The following STAB2 variants were observed in gnomAD, a reference collection of about 807,000 sequenced individuals.
STAB2 encodes stabilin-2.
A neutral mutation model predicts 338.1 loss-of-function variants in STAB2; 288 were observed. The observed-to-expected ratio is 0.85, with a 90% CI of 0.77 to 0.94. The LOEUF is 0.94. STAB2 is among the 40% of genes least tolerant of loss of function. The pLI is 0.00. For missense variants in STAB2, 3,141 were observed against 3,210.1 expected (o/e 0.98, Z 0.52); for synonymous variants, 1,202 against 1,193.3 (o/e 1.01, Z -0.15).
chr12:103,604,412 C>G (rs533225320), intron 3 of STAB2, among the ~76,000 whole-genome samples: 1 of 151,992 alleles, frequency 6.6e-6, no homozygotes, highest in African/African-American at 2.4e-5. Flanking sequence ...CTTCGATTAC[C>G]TGGAAGAGTT....
chr12:103,614,366 G>T (rs1215670254), intron 3 of STAB2, among the ~76,000 whole-genome samples: 1 of 152,170 alleles, frequency 6.6e-6, no homozygotes, highest in Non-Finnish European at 1.5e-5. Flanking sequence ...TAAGTTTACA[G>T]AATTTTCTTT....
intron 25 of STAB2, among the ~76,000 whole-genome samples, chr12:103,679,312 G>T (rs1320521819): frequency 6.6e-6 from 1 of 151,912 alleles, no homozygotes; most frequent in Non-Finnish European, 1.5e-5. Context: ...AGGTTGCGGT[G>T]AACTGAGATC....
chr12:103,592,691 C>A (rs1210361240), intron 2 of STAB2, among the ~76,000 whole-genome samples: 6 of 152,136 alleles, frequency 3.9e-5, no homozygotes, highest in Non-Finnish European at 7.4e-5. Flanking sequence ...TTTTCTCCCC[C>A]CTCTTTTTTG....
At chr12:103,693,154 A>T (rs1878102914) in intron 31 of STAB2, among the ~76,000 whole-genome samples, 1 of 152,226 alleles carries the variant, frequency 6.6e-6, no homozygotes, top group Non-Finnish European at 1.5e-5. Context: ...TTATGGAAAC[A>T]TCTCAAAAGA....
At position 103,688,191 on chromosome 12, in the gene STAB2, A is replaced by G. The variant is rs1405902115; in HGVS notation, c.3021A>G (p.Ala1007=). ...AGGAATTGTCATTTCTCTCCGAAGCAGCTATATTTAACCGATGGATAAATG... is the reference window on the plus strand; with the variant it reads ...AGGAATTGTCATTTCTCTCCGAAGCGGCTATATTTAACCGATGGATAAATG... The part of the protein sequence containing the change: ...AAVELSFLSE[A]AIFNRWINNA... The change falls in exon 28 of 69, where the codon GCA becomes GCG. Residue 1007 remains alanine (A), a synonymous_variant. Transcript: ENST00000388887. 2 of 1,613,956 alleles carry G rather than the reference A, an allele frequency of 1.2e-6. No individual in the cohort carries two copies. The highest frequency in any genetic ancestry group is 1.7e-6 in the Non-Finnish European group (2 of 1,179,814).
At chr12:103,715,996 A>C in intron 43 of STAB2, 108 bp downstream of exon 43, 1 of 1,173,998 alleles carries the variant, frequency 8.5e-7, no homozygotes, top group Non-Finnish European at 1.2e-6. Context: ...AAAGAGCTGC[A>C]GCTGAAAATA....
Position 103,717,931 on chromosome 12 carries a change from T to C in STAB2, c.4683+90T>C, listed in dbSNP as rs1173986804. 6 of 1,351,610 alleles carry C rather than the reference T, an allele frequency of 4.4e-6. No individual in the cohort carries two copies. In the East Asian group the frequency reaches 1.4e-4, roughly 31 times the overall value. 83.7% of individuals were successfully genotyped at this position (1,351,610 alleles called of 1,614,324 possible). On this transcript the variant is annotated intron_variant, in intron 44 of 68. Coordinates refer to ENST00000388887, the MANE Select transcript of STAB2 (RefSeq NM_017564.10). The stretch of plus-strand genomic sequence containing the variant: ...TCTCGGGGATGCAGAGTTGAGGAAC[T>C]CTTCCTCTGGAGGCCTCAGAGCTGT...
intron 39 of STAB2, among the ~76,000 whole-genome samples, chr12:103,709,197 GAA>G (rs1879627336): frequency 1.3e-5 from 2 of 152,154 alleles, no homozygotes; most frequent in African/African-American, 4.8e-5. Flanking sequence ...CGGTCAAAGA[GAA>G]GGGAATTTCA....
intron 27 of STAB2, 40 bp downstream of exon 27, chr12:103,685,124 C>G (rs778666077): frequency 6.4e-7 from 1 of 1,567,806 alleles, no homozygotes; most frequent in South Asian, 1.1e-5. Context: ...TAGACAAAAC[C>G]CTTTAAAAAC....
At chr12:103,663,500 T>A (rs1378863613) in intron 18 of STAB2, among the ~76,000 whole-genome samples, 1 of 152,100 alleles carries the variant, frequency 6.6e-6, no homozygotes, top group African/African-American at 2.4e-5. Context: ...CCACCACACC[T>A]GGCTAATTTT....
chr12:103,630,649 G>T (rs1352561926), intron 5 of STAB2, among the ~76,000 whole-genome samples: 3 of 152,194 alleles, frequency 2.0e-5, no homozygotes, highest in Non-Finnish European at 2.9e-5. Flanking sequence ...AAAGACAGAA[G>T]AGAGAACCAT....
intron 9 of STAB2, among the ~76,000 whole-genome samples, chr12:103,641,657 A>T (rs1384222261): frequency 6.6e-6 from 1 of 152,218 alleles, no homozygotes; most frequent in Non-Finnish European, 1.5e-5. Context: ...GTCTAAATAG[A>T]ATACCTTAAG....
At chr12:103,732,649 A>G (rs554316461) in intron 50 of STAB2, among the ~76,000 whole-genome samples, 1 of 152,164 alleles carries the variant, frequency 6.6e-6, no homozygotes, top group Non-Finnish European at 1.5e-5. Context: ...CTACAAAAAT[A>G]CCAAAATGTG....
chr12:103,766,347 G>A lies in STAB2; in HGVS notation c.*11G>A, dbSNP rs1377247624. On this transcript the variant is annotated 3_prime_UTR_variant, in exon 69 of 69. Transcript: ENST00000388887. ...TTGAGGACACTGTGAGGGCCTGGACGGGAGATGCCAGCCATCACTCACTGC... is the reference window on the plus strand; with the variant it reads ...TTGAGGACACTGTGAGGGCCTGGACAGGAGATGCCAGCCATCACTCACTGC... The A allele has an allele frequency of 1.2e-5, 19 of 1,601,546 alleles. No homozygotes were observed. The highest frequency in any genetic ancestry group is 6.7e-5 in the South Asian group (6 of 89,392).
intron 23 of STAB2, among the ~76,000 whole-genome samples, chr12:103,675,380 C>T (rs1876241991): frequency 6.6e-6 from 1 of 152,216 alleles, no homozygotes; most frequent in Non-Finnish European, 1.5e-5. Flanking sequence ...GAAAAAACCT[C>T]TGAGGGGCCA....
chr12:103,655,407 A>G (rs770837271), intron 14 of STAB2, 49 bp from the exon 15 acceptor site: 20 of 1,607,922 alleles, frequency 1.2e-5, no homozygotes, highest in Admixed American at 1.7e-5. Flanking sequence ...TATGTTAAAT[A>G]TTTGTCCAAG....
chr12:103,622,572 A>G (rs1205033591), intron 5 of STAB2, among the ~76,000 whole-genome samples: 1 of 152,258 alleles, frequency 6.6e-6, no homozygotes, highest in Non-Finnish European at 1.5e-5. Flanking sequence ...GTTGCAATTC[A>G]TCCACAAGGA....
At chr12:103,705,836 C>A in intron 37 of STAB2, 109 bp downstream of exon 37, 1 of 993,366 alleles carries the variant, frequency 1.0e-6, no homozygotes, top group African/African-American at 1.6e-5. Context: ...GCCATCTCCT[C>A]TTCCTTGTTA....
At chr12:103,606,002 AT>A (rs746015086) in intron 3 of STAB2, among the ~76,000 whole-genome samples, 22 of 152,072 alleles carry the variant, frequency 1.4e-4, no homozygotes, top group Non-Finnish European at 2.6e-4. Context: ...GTTTACATCC[AT>A]CATCTTGCTA....
Sources: gnomAD v4.1 joint callset for allele counts (sites outside exome capture counted in the v4.1 genomes callset) on GRCh38, gnomAD v4.1.1 for gene constraint, MANE v1.5 for transcripts, NCBI Gene and HGNC (gene_info 2026-07-23, HGNC 2026-07-21) for gene names.